PDE4D: variants seen among roughly 807,000 people sequenced by gnomAD.
The protein encoded by PDE4D is phosphodiesterase 4D, also known as 3',5'-cyclic-AMP phosphodiesterase 4D.
Under a neutral mutation model 87.4 loss-of-function variants are expected in PDE4D, and 24 were observed. The observed-to-expected ratio is 0.27, with a 90% CI of 0.20 to 0.39. The LOEUF is 0.39. Ranked by LOEUF, PDE4D falls within the 10% of genes least tolerant of loss-of-function variation. The pLI, the probability that PDE4D is intolerant of heterozygous loss-of-function variation, is 1.00. For synonymous variants in PDE4D, 384 were observed against 383.2 expected (o/e 1.00, Z -0.02); for missense variants, 714 against 1,041.0 (o/e 0.69, Z 4.32).
In PDE4D at chr5:59,344,326, C is replaced by T. The variant is rs1315228644; in HGVS notation, c.456-128358G>A. On this transcript the variant is annotated intron_variant, in intron 1 of 14. Transcript: ENST00000340635. ...TGAGCGAAAAATGCTTGAAAAGCAGCCCATGATCACTGAATGATTCCATTT... is the reference window on the plus strand; with the variant it reads ...TGAGCGAAAAATGCTTGAAAAGCAGTCCATGATCACTGAATGATTCCATTT... Among the ~76,000 whole-genome samples, 3 of 152,150 alleles carry T rather than the reference C, an allele frequency of 2.0e-5. No individual in the cohort carries two copies. The East Asian group carries it at 5.8e-4, about 29-fold the overall frequency.
At chr5:60,238,670 T>C (rs1215610203) in intron 1 of PDE4D, among the ~76,000 whole-genome samples, 2 of 152,070 alleles carry the variant, frequency 1.3e-5, no homozygotes, top group Non-Finnish European at 2.9e-5. Flanking sequence ...TGTTTGTTCA[T>C]ATCTTTCACC....
chr5:59,036,678 G>C (rs374697530), intron 6 of PDE4D, among the ~76,000 whole-genome samples: 4 of 152,102 alleles, frequency 2.6e-5, no homozygotes, highest in Non-Finnish European at 4.4e-5. Flanking sequence ...TAACAGTCAT[G>C]TAAGCTTAGC....
chr5:60,383,164 G>C lies in PDE4D; in HGVS notation c.-90+104778C>G, dbSNP rs146052706. On this transcript the variant is annotated intron_variant, in intron 1 of 16. Transcript: ENST00000502484. Reference sequence around the variant, plus strand: ...ATAATTAGGTGGGCTGTTTTGTACAGATTATAACATTAGCAAATGAAATGA... The same window carrying C: ...ATAATTAGGTGGGCTGTTTTGTACACATTATAACATTAGCAAATGAAATGA... Among the ~76,000 whole-genome samples the C allele has an allele frequency of 3.7e-3, 561 of 152,108 alleles. 5 individuals carry two copies. Among genetic ancestry groups the C allele is most frequent in the African/African-American group, 0.013 (533 of 41,506 alleles).
intron 2 of PDE4D, among the ~76,000 whole-genome samples, chr5:59,197,849 T>A (rs868589075): frequency 8.5e-5 from 13 of 152,182 alleles, no homozygotes; most frequent in African/African-American, 2.7e-4. Context: ...AATTCTGAAA[T>A]CTTGCACCTG....
At chr5:60,519,322 T>C (rs1007155401) in intron 1 of PDE4D, among the ~76,000 whole-genome samples, 4 of 152,196 alleles carry the variant, frequency 2.6e-5, no homozygotes, top group Non-Finnish European at 4.4e-5. Context: ...TTTCCATCCA[T>C]AGGAAATCCC....
intron 2 of PDE4D, among the ~76,000 whole-genome samples, chr5:60,111,209 C>T (rs1380830310): frequency 2.0e-5 from 3 of 151,876 alleles, no homozygotes; most frequent in Non-Finnish European, 4.4e-5. Context: ...GATGTATACG[C>T]TAATTACCCT....
At chr5:59,126,214 C>T (rs1374125156) in intron 5 of PDE4D, among the ~76,000 whole-genome samples, 1 of 151,254 alleles carries the variant, frequency 6.6e-6, no homozygotes, top group Non-Finnish European at 1.5e-5. Flanking sequence ...ATTTATAAAC[C>T]TCAGACAAAA....
intron 5 of PDE4D, chr5:59,156,941 G>C (rs1165437326): frequency 5.6e-6 from 1 of 177,738 alleles, no homozygotes; most frequent in Non-Finnish European, 1.2e-5. Context: ...TTTGATCTTT[G>C]CAGGAGATTA....
intron 2 of PDE4D, among the ~76,000 whole-genome samples, chr5:60,096,945 A>G (rs1013788740): frequency 6.6e-6 from 1 of 152,104 alleles, no homozygotes; most frequent in African/African-American, 2.4e-5. Flanking sequence ...CTCAGAAAAC[A>G]TCATTAAAAT....
chr5:59,065,471 TTATA>T (rs2153414284), intron 5 of PDE4D, among the ~76,000 whole-genome samples: 1 of 152,236 alleles, frequency 6.6e-6, no homozygotes, highest in South Asian at 2.1e-4. Context: ...AGGGTAGCTG[TTATA>T]TTAAGTGTCC....
chr5:60,269,194 C>T (rs1026181803), intron 1 of PDE4D, among the ~76,000 whole-genome samples: 10 of 152,142 alleles, frequency 6.6e-5, no homozygotes, highest in Admixed American at 4.6e-4. Flanking sequence ...GTAGTCCCAG[C>T]TACTCGGGAG....
intron 1 of PDE4D, among the ~76,000 whole-genome samples, chr5:59,877,855 A>G (rs928375824): frequency 2.0e-5 from 3 of 152,136 alleles, no homozygotes; most frequent in African/African-American, 7.2e-5. Flanking sequence ...AGTTTCCAAA[A>G]GGTTTTAAAG....
intron 1 of PDE4D, among the ~76,000 whole-genome samples, chr5:59,244,874 G>T (rs1467747874): frequency 6.6e-6 from 1 of 151,164 alleles, no homozygotes; most frequent in African/African-American, 2.4e-5. Context: ...AAACCAACAC[G>T]TTTTAATGAT....
intron 1 of PDE4D, among the ~76,000 whole-genome samples, chr5:59,221,870 T>G (rs564851985): frequency 5.9e-5 from 9 of 152,206 alleles, no homozygotes; most frequent in Non-Finnish European, 1.3e-4. Context: ...CTTCCCTTAA[T>G]GCAATTTAAG....
intron 5 of PDE4D, among the ~76,000 whole-genome samples, chr5:59,085,716 A>G (rs1016594014): frequency 5.3e-5 from 8 of 152,168 alleles, no homozygotes; most frequent in African/African-American, 1.9e-4. Context: ...TTGGGGATAG[A>G]AGATTAAAAA....
At chr5:59,798,196 A>G (rs1214419905) in intron 1 of PDE4D, among the ~76,000 whole-genome samples, 1 of 151,710 alleles carries the variant, frequency 6.6e-6, no homozygotes, top group African/African-American at 2.4e-5. Context: ...TTGCACCACT[A>G]CACTCCAGCT....
At chr5:60,303,077 C>T (rs1754070408) in intron 1 of PDE4D, among the ~76,000 whole-genome samples, 1 of 152,126 alleles carries the variant, frequency 6.6e-6, no homozygotes, top group Non-Finnish European at 1.5e-5. Flanking sequence ...GATCCGCTCA[C>T]CTAGGCCTCC....
rs912414524 is a variant in PDE4D at position 60,166,418 on chromosome 5, ACT to A, written c.42+19137_42+19138del. 3.7e-4 allele frequency among the ~76,000 whole-genome samples: 57 copies of A among 152,098 alleles called. 1 individual carries two copies. The highest frequency in any genetic ancestry group is 3.4e-3 in the Middle Eastern group (1 of 294). ...TGGATTGCAAAATAAAAATTAAAAA[ACT>A]CTAAACTTTTACCTCATTCTCCCAA... On this transcript the variant is annotated intron_variant, in intron 2 of 16. Transcript: ENST00000502484.
At chr5:59,746,968 G>A (rs10045168) in intron 1 of PDE4D, among the ~76,000 whole-genome samples, 16,911 of 152,070 alleles carry the variant, frequency 0.11, 1,098 homozygotes, top group Middle Eastern at 0.19. Context: ...TGACCTAAAG[G>A]TCTCTCCTCT....
Sources: gnomAD v4.1 joint callset for allele counts (sites outside exome capture counted in the v4.1 genomes callset) on GRCh38, gnomAD v4.1.1 for gene constraint, MANE v1.5 for transcripts, NCBI Gene and HGNC (gene_info 2026-07-23, HGNC 2026-07-21) for gene names.